LRRC25: variants seen among roughly 807,000 people sequenced by gnomAD.
LRRC25 encodes the protein leucine-rich repeat-containing protein 25.
In LRRC25, 5 loss-of-function variants were observed where a neutral mutation model predicts 18.8. The observed-to-expected ratio is 0.27, with a 90% confidence interval of 0.14 to 0.56. The LOEUF is 0.56. LRRC25 is among the 20% of genes least tolerant of loss of function. LRRC25 has a pLI of 0.93. For missense variants in LRRC25, 341 were observed against 389.8 expected (o/e 0.87, Z 1.05); for synonymous variants, 161 against 176.8 (o/e 0.91, Z 0.71).
chr19:18,396,051 G>A (rs1203580581), intron 1 of LRRC25, 134 bp downstream of exon 1: 2 of 1,122,254 alleles, frequency 1.8e-6, no homozygotes, highest in African/African-American at 1.6e-5. Context: ...AGGAGACTGA[G>A]GCTCAGAGAA....
chr19:18,397,204 C>A lies in LRRC25; in HGVS notation c.-241G>T, dbSNP rs1258997685. 1.1e-5 allele frequency: 6 copies of A among 568,870 alleles called. No individual in the cohort carries two copies. Among genetic ancestry groups the A allele is most frequent in the Non-Finnish European group, 9.4e-6 (3 of 319,318 alleles). The allele number at this position is 568,870 out of a possible 1,614,324, so 35.2% of individuals were successfully genotyped here. ...GGGCTTGGAAGGCGAGGAGGAGATCCGGGCCAGTTAACCCCTTCTTCTATG... is the reference window on the plus strand; with the variant it reads ...GGGCTTGGAAGGCGAGGAGGAGATCAGGGCCAGTTAACCCCTTCTTCTATG... On this transcript the variant is annotated 5_prime_UTR_variant, in exon 1 of 2. Transcript: ENST00000339007.
At chr19:18,393,916 G>A (rs1971932539) in intron 1 of LRRC25, among the ~76,000 whole-genome samples, 2 of 152,212 alleles carry the variant, frequency 1.3e-5, no homozygotes, top group Admixed American at 1.3e-4. Flanking sequence ...GGGACAGGGA[G>A]GCCAAGATGA....
At position 18,396,690 on chromosome 19, in the gene LRRC25, C is replaced by T. The variant is rs761253618; in HGVS notation, c.274G>A (p.Val92Met). 1 of 1,614,058 alleles carries T rather than the reference C, an allele frequency of 6.2e-7. No homozygotes were observed. Among genetic ancestry groups the T allele is most frequent in the South Asian group, 1.1e-5 (1 of 91,064 alleles). ...AHLQKLEVLN[V>M]LRNPLSRVDG... ...ACACGAGACAAGGGGTTGCGTAGCA[C>T]GTTCAGGACCTCAAGCTTCTGCAGG... is the stretch of plus-strand genomic sequence containing the variant. Residue 92 changes from valine to methionine, a missense_variant, in exon 1 of 2, where the codon GTG becomes ATG. By Grantham distance (21) the Val-to-Met change is conservative (BLOSUM62 1). Transcript: ENST00000339007.
intron 1 of LRRC25, among the ~76,000 whole-genome samples, chr19:18,395,143 G>T (rs900495055): frequency 1.1e-4 from 16 of 152,088 alleles, no homozygotes; most frequent in Non-Finnish European, 1.0e-4. Flanking sequence ...AGGCTGAGGT[G>T]GGCGGATCAC....
rs1343484644 is a variant in LRRC25 at position 18,396,255 on chromosome 19, G to T, written c.709C>A (p.Pro237Thr). Residue 237 changes from proline (P) to threonine (T), a missense_variant, in exon 1 of 2, where the codon CCC (proline) becomes ACC (threonine). Physicochemically the swap from Pro to Thr is conservative, Grantham distance 38. Coordinates refer to ENST00000339007, the MANE Select transcript of LRRC25 (RefSeq NM_145256.3). ...PKPQVAVPSC[P>T]STPDYENMFV... is the part of the protein sequence containing the mutation. ...ATGTTCTCATAGTCGGGAGTGGAGGGGCAGGATGGCACGGCCACTTGGGGC... is the reference window on the plus strand; with the variant it reads ...ATGTTCTCATAGTCGGGAGTGGAGGTGCAGGATGGCACGGCCACTTGGGGC... 5 of 1,613,596 alleles carry T rather than the reference G, an allele frequency of 3.1e-6. No individual in the cohort carries two copies. Among genetic ancestry groups the T allele is most frequent in the Non-Finnish European group, 4.2e-6 (5 of 1,179,776 alleles).
Position 18,392,034 on chromosome 19 carries a change from C to T in LRRC25, c.871G>A (p.Gly291Ser), listed in dbSNP as rs1378230227. The T allele has an allele frequency of 6.2e-7, 1 of 1,614,098 alleles. No homozygotes were observed. The highest frequency in any genetic ancestry group is 1.3e-5 in the African/African-American group (1 of 75,022). ...TCCTCTTCATCCATTGGGGCCTGGC[C>T]CAGTGACTGCAGGTTACAGTAGACA... is the stretch of plus-strand genomic sequence containing the variant. ...QPVYCNLQSL[G>S]QAPMDEEEYV... is the part of the protein sequence containing the mutation. The change falls in exon 2 of 2, where the codon GGC (glycine) becomes AGC (serine). Residue 291 changes from glycine to serine, a missense_variant. Physicochemically the swap from Gly to Ser is moderately conservative, Grantham distance 56 (BLOSUM62 0). Transcript: ENST00000339007.
Position 18,391,743 on chromosome 19 carries a change from G to A in LRRC25, c.*244C>T. The A allele has an allele frequency of 2.2e-6, 1 of 450,194 alleles. No homozygotes were observed. Among genetic ancestry groups the A allele is most frequent in the Non-Finnish European group, 4.1e-6 (1 of 241,876 alleles). The allele number at this position is 450,194 out of a possible 1,614,324, so 27.9% of individuals were successfully genotyped here. ...TCCACAGGAGGGTGATGACAGGATT[G>A]GCACAGTGACCGTCCTGTCCCCTTG... On this transcript the variant is annotated 3_prime_UTR_variant, in exon 2 of 2. Transcript: ENST00000339007.
chr19:18,394,070 T>C (rs1354862022), intron 1 of LRRC25, among the ~76,000 whole-genome samples: 2 of 152,154 alleles, frequency 1.3e-5, no homozygotes, highest in Non-Finnish European at 2.9e-5. Flanking sequence ...CCCCACCTCC[T>C]GGCACGGACT....
Position 18,397,090 on chromosome 19 carries a change from A to T in LRRC25, c.-127T>A. ...CTCAAGCCGCTTCTGAAATGGTAAAACGCAGCCCCAGTCTGGTCGCCTCCT... is the reference window on the plus strand; with the variant it reads ...CTCAAGCCGCTTCTGAAATGGTAAATCGCAGCCCCAGTCTGGTCGCCTCCT... On this transcript the variant is annotated 5_prime_UTR_variant, in exon 1 of 2. Transcript: ENST00000339007. The T allele has an allele frequency of 1.9e-6, 2 of 1,045,434 alleles. No homozygotes were observed. The highest frequency in any genetic ancestry group is 2.7e-6 in the Non-Finnish European group (2 of 740,538). 64.8% of individuals were successfully genotyped at this position (1,045,434 alleles called of 1,614,324 possible).
chr19:18,393,507 G>A (rs1318398234), intron 1 of LRRC25, among the ~76,000 whole-genome samples: 4 of 152,060 alleles, frequency 2.6e-5, no homozygotes, highest in South Asian at 2.1e-4. Flanking sequence ...CCAGCTACTC[G>A]GGAGGCTGAG....
chr19:18,396,128 C>T, intron 1 of LRRC25, 57 bp downstream of exon 1: 1 of 1,531,062 alleles, frequency 6.5e-7, no homozygotes, highest in African/African-American at 1.4e-5. Flanking sequence ...CCTCGGCCAT[C>T]TGGGTGTGGA....
intron 1 of LRRC25, among the ~76,000 whole-genome samples, chr19:18,395,707 T>C (rs1971959315): frequency 6.6e-6 from 1 of 152,112 alleles, no homozygotes; most frequent in Non-Finnish European, 1.5e-5. Context: ...TAATTCTCCC[T>C]CATTTTACTT....
At chr19:18,394,467 C>T (rs1410999600) in intron 1 of LRRC25, among the ~76,000 whole-genome samples, 2 of 151,952 alleles carry the variant, frequency 1.3e-5, no homozygotes, top group African/African-American at 2.4e-5. Context: ...CGACCATGCC[C>T]GGCTAATTTT....
At chr19:18,396,138 A>C in intron 1 of LRRC25, 47 bp downstream of exon 1, 1 of 1,542,366 alleles carries the variant, frequency 6.5e-7, no homozygotes, top group East Asian at 2.3e-5. Flanking sequence ...CTGGGTGTGG[A>C]GCCTTATTAT....
intron 1 of LRRC25, among the ~76,000 whole-genome samples, chr19:18,394,309 T>TTTC (rs1001257293): frequency 4.4e-5 from 1 of 22,868 alleles, no homozygotes; most frequent in South Asian, 9.8e-4. Context: ...TCTTTCTTTC[T>TTTC]TTTTTTTTTT....
rs1237844787 is a variant in LRRC25 at position 18,397,074 on chromosome 19, C to A, written c.-111G>T. The A allele has an allele frequency of 8.4e-7, 1 of 1,190,476 alleles. No individual in the cohort carries two copies. The highest frequency in any genetic ancestry group is 2.7e-5 in the Admixed American group (1 of 36,740). 73.7% of individuals were successfully genotyped at this position (1,190,476 alleles called of 1,614,324 possible). ...TTATAGCTCAGACCAGCTCAAGCCG[C>A]TTCTGAAATGGTAAAACGCAGCCCC... On this transcript the variant is annotated 5_prime_UTR_variant, in exon 1 of 2. Coordinates refer to ENST00000339007, the MANE Select transcript of LRRC25 (RefSeq NM_145256.3).
chr19:18,396,289 G>T lies in LRRC25; in HGVS notation c.675C>A (p.Ser225Arg), dbSNP rs142331141. The T allele has an allele frequency of 1.4e-4, 229 of 1,612,204 alleles. No individual in the cohort carries two copies. The highest frequency in any genetic ancestry group is 1.9e-4 in the Non-Finnish European group (225 of 1,179,710). Residue 225 changes from serine to arginine, a missense_variant, in exon 1 of 2, where the codon AGC (serine) becomes AGA (arginine). Ser to Arg is a moderately radical substitution (Grantham distance 110, BLOSUM62 -1). Coordinates refer to ENST00000339007, the MANE Select transcript of LRRC25 (RefSeq NM_145256.3). ...GCACGGCCACTTGGGGCTTGGGGGC[G>T]CTCCGGCTGCCGTACCGTGGCTGCA... is the stretch of plus-strand genomic sequence containing the variant. Reference protein sequence around the residue: ...LGLQPRYGSRSAPKPQVAVPS... With the variant: ...LGLQPRYGSRRAPKPQVAVPS...
chr19:18,395,090 G>A (rs1053635907), intron 1 of LRRC25, among the ~76,000 whole-genome samples: 3 of 151,552 alleles, frequency 2.0e-5, no homozygotes, highest in South Asian at 2.1e-4. Flanking sequence ...AAAAAATGTC[G>A]GCTGGGCGCG....
Position 18,396,286 on chromosome 19 carries a change from G to A in LRRC25, c.678C>T (p.Ala226=). ...GLQPRYGSRS[A]PKPQVAVPSC... ...ATGGCACGGCCACTTGGGGCTTGGGGGCGCTCCGGCTGCCGTACCGTGGCT... is the reference window on the plus strand; with the variant it reads ...ATGGCACGGCCACTTGGGGCTTGGGAGCGCTCCGGCTGCCGTACCGTGGCT... The change falls in exon 1 of 2, where the codon GCC becomes GCT. Residue 226 remains alanine, a synonymous_variant. Transcript: ENST00000339007. The A allele has an allele frequency of 2.5e-6, 4 of 1,612,802 alleles. No individual in the cohort carries two copies. The highest frequency in any genetic ancestry group is 3.4e-6 in the Non-Finnish European group (4 of 1,179,794).
Sources: gnomAD v4.1 joint callset for allele counts (sites outside exome capture counted in the v4.1 genomes callset) on GRCh38, gnomAD v4.1.1 for gene constraint, MANE v1.5 for transcripts, NCBI Gene and HGNC (gene_info 2026-07-23, HGNC 2026-07-21) for gene names.